Variants in PACSIN2 observed in about 807,000 individuals in gnomAD.
The protein encoded by PACSIN2 is protein kinase C and casein kinase substrate in neurons protein 2.
Under a neutral mutation model 63.8 loss-of-function variants are expected in PACSIN2, and 25 were observed. The observed-to-expected ratio is 0.39, with a 90% CI of 0.29 to 0.55. The LOEUF is 0.55. Among genes scored for constraint, PACSIN2 ranks in the 20% least tolerant of loss-of-function variants. PACSIN2 has a pLI of 0.62. For missense variants in PACSIN2, 518 were observed against 646.9 expected (o/e 0.80, Z 2.16); for synonymous variants, 255 against 256.2 (o/e 1.00, Z 0.05).
At chr22:43,012,374 A>G (rs1360969200) in intron 1 of PACSIN2, among the ~76,000 whole-genome samples, 1 of 151,486 alleles carries the variant, frequency 6.6e-6, no homozygotes, top group African/African-American at 2.4e-5. Context: ...ATGCCTGGCC[A>G]TCAGAGATGT....
chr22:42,959,078 G>A (rs1354477008), intron 1 of PACSIN2, among the ~76,000 whole-genome samples: 2 of 152,160 alleles, frequency 1.3e-5, no homozygotes, highest in African/African-American at 2.4e-5. Context: ...AGAGGGGGAC[G>A]AGGGCACAGG....
At chr22:42,915,433 A>G (rs188311940) in intron 1 of PACSIN2, among the ~76,000 whole-genome samples, 63 of 152,322 alleles carry the variant, frequency 4.1e-4, no homozygotes, top group Non-Finnish European at 8.5e-4. Flanking sequence ...GTCTGGGACC[A>G]GGATCTCATC....
chr22:42,930,508 C>T (rs1289052127), intron 1 of PACSIN2, among the ~76,000 whole-genome samples: 1 of 152,164 alleles, frequency 6.6e-6, no homozygotes, highest in East Asian at 1.9e-4. Flanking sequence ...GTTCACACCA[C>T]ATAAACAAGG....
intron 1 of PACSIN2, among the ~76,000 whole-genome samples, chr22:42,984,208 G>C (rs114890139): frequency 0.012 from 1,878 of 152,012 alleles, 44 homozygotes; most frequent in African/African-American, 0.044. Flanking sequence ...CCAAACTCAA[G>C]TAATCTGCCT....
rs1432186902 is a variant in PACSIN2, at chr22:43,012,196, TACATACAA to T, written c.-78+2817_-78+2824del. Among the ~76,000 whole-genome samples, 766 of 118,858 alleles carry T rather than the reference TACATACAA, an allele frequency of 6.4e-3. 7 individuals are homozygous for T. The highest frequency in any genetic ancestry group is 0.023 in the African/African-American group (638 of 27,772). 78.0% of individuals were successfully genotyped at this position (118,858 alleles called of 152,430 possible). A position where few individuals can be genotyped will look rare whatever the true frequency, so the allele number is the denominator to read the frequency against. On this transcript the variant is annotated intron_variant, in intron 1 of 10. Transcript: ENST00000263246. The stretch of plus-strand genomic sequence containing the variant: ...ATACATACATACATACATACATACA[TACATACAA>T]ACATACAAAAACTAGCCAGGCAAGG...
At chr22:42,971,549 G>C (rs562743723) in intron 1 of PACSIN2, among the ~76,000 whole-genome samples, 1 of 151,768 alleles carries the variant, frequency 6.6e-6, no homozygotes, top group Non-Finnish European at 1.5e-5. Flanking sequence ...GCAGCCCATC[G>C]TCTGGGATGT....
intron 1 of PACSIN2, among the ~76,000 whole-genome samples, chr22:42,938,632 T>TAAA (rs1933012758): frequency 1.3e-5 from 2 of 152,142 alleles, no homozygotes; most frequent in African/African-American, 4.8e-5. Flanking sequence ...GCAGGACCAT[T>TAAA]TAGGTTGCAC....
intron 2 of PACSIN2, among the ~76,000 whole-genome samples, chr22:42,899,674 G>A (rs903293287): frequency 6.6e-5 from 10 of 152,216 alleles, no homozygotes; most frequent in Admixed American, 2.0e-4. Context: ...CGATGACCCA[G>A]CAGCTTCATT....
intron 5 of PACSIN2, among the ~76,000 whole-genome samples, chr22:42,886,760 G>A (rs752916694): frequency 4.4e-4 from 67 of 152,266 alleles, no homozygotes; most frequent in Middle Eastern, 3.4e-3. Flanking sequence ...AGGCACACAA[G>A]GACCTCTCAT....
At chr22:42,979,426 A>T in intron 1 of PACSIN2, among the ~76,000 whole-genome samples, 1 of 147,402 alleles carries the variant, frequency 6.8e-6, no homozygotes, top group African/African-American at 2.5e-5. Flanking sequence ...CCAAAGGCTG[A>T]GGCATGGGAA....
At chr22:42,921,606 A>C (rs1172602624) in intron 1 of PACSIN2, among the ~76,000 whole-genome samples, 2 of 152,204 alleles carry the variant, frequency 1.3e-5, no homozygotes, top group East Asian at 3.9e-4. Context: ...GAGAAATTCT[A>C]ATGAAATCTG....
intron 2 of PACSIN2, 95 bp from the exon 3 acceptor site, chr22:42,893,708 G>A (rs951669488): frequency 5.5e-6 from 7 of 1,264,836 alleles, no homozygotes; most frequent in East Asian, 2.3e-5. Flanking sequence ...GCCCTGATGC[G>A]CCCCTGGGGT....
intron 1 of PACSIN2, among the ~76,000 whole-genome samples, chr22:42,937,747 CT>C (rs901990846): frequency 2.6e-5 from 4 of 152,382 alleles, no homozygotes; most frequent in African/African-American, 9.6e-5. Context: ...AGCAGGGACA[CT>C]GGCTCCCAGC....
intron 2 of PACSIN2, among the ~76,000 whole-genome samples, chr22:42,903,923 G>A (rs1930879087): frequency 6.6e-6 from 1 of 152,124 alleles, no homozygotes; most frequent in Non-Finnish European, 1.5e-5. Context: ...TGAAGAAAAT[G>A]GAGCTCACTA....
intron 2 of PACSIN2, among the ~76,000 whole-genome samples, chr22:42,911,168 T>C (rs1359407395): frequency 6.6e-6 from 1 of 151,934 alleles, no homozygotes; most frequent in East Asian, 1.9e-4. Context: ...CCTCCCAAAG[T>C]GCTGGGGTTA....
chr22:42,876,787 C>T (rs1350569438), intron 9 of PACSIN2, 101 bp downstream of exon 9: 42 of 1,483,210 alleles, frequency 2.8e-5, no homozygotes, highest in South Asian at 2.6e-4. Flanking sequence ...TGCAGAGCTC[C>T]GTGCATTGCC....
intron 1 of PACSIN2, among the ~76,000 whole-genome samples, chr22:42,952,979 C>T (rs1933766029): frequency 1.3e-5 from 2 of 152,060 alleles, no homozygotes. Context: ...AAAGGATATA[C>T]TTTTAAAAGA....
intron 2 of PACSIN2, among the ~76,000 whole-genome samples, chr22:42,899,758 C>G (rs751221348): frequency 6.6e-5 from 10 of 152,190 alleles, no homozygotes; most frequent in Non-Finnish European, 1.5e-4. Context: ...GGGGAATGCA[C>G]AGGTAAGCAC....
At chr22:42,999,496 C>T (rs945411305) in intron 1 of PACSIN2, among the ~76,000 whole-genome samples, 5 of 152,170 alleles carry the variant, frequency 3.3e-5, no homozygotes, top group African/African-American at 1.2e-4. Flanking sequence ...ATGGAGAAAC[C>T]CTGTCTCTAC....
Sources: allele counts gnomAD v4.1 joint callset (sites outside exome capture counted in the v4.1 genomes callset), GRCh38; gene constraint gnomAD v4.1.1; transcripts MANE v1.5; gene names NCBI Gene and HGNC (gene_info 2026-07-23, HGNC 2026-07-21).